The following CKS2 variants were observed in gnomAD, a reference collection of about 807,000 sequenced individuals.
The protein encoded by CKS2 is cyclin-dependent kinases regulatory subunit 2.
In CKS2, 4 loss-of-function variants were observed where a neutral mutation model predicts 14.3. The observed-to-expected ratio is 0.28, with a 90% CI of 0.14 to 0.64. CKS2 has a LOEUF of 0.64. Among genes scored for constraint, CKS2 ranks in the 30% least tolerant of loss-of-function variants. The probability of loss-of-function intolerance (pLI) is 0.83; values close to 1 mark genes in which losing one functional copy is unlikely to be tolerated. For synonymous variants in CKS2, 33 were observed against 28.7 expected (o/e 1.15, Z -0.48); for missense variants, 71 against 94.3 (o/e 0.75, Z 1.02).
chr9:89,313,529 C>T (rs1196756353), intron 1 of CKS2, among the ~76,000 whole-genome samples: 1 of 152,144 alleles, frequency 6.6e-6, no homozygotes, highest in Non-Finnish European at 1.5e-5. Flanking sequence ...CTCTGTGTGG[C>T]AAAATACAGG....
rs1824682476 is a variant in CKS2, at chr9:89,315,057, G to C, written c.60-113G>C. ...CATAGGCCATCATATCAGAATTAAA[G>C]GTAGTAGATTGCAGTTCTCAATATT... On this transcript the variant is annotated intron_variant, in intron 1 of 2. Transcript: ENST00000314355. 1.4e-5 allele frequency: 11 copies of C among 809,126 alleles called. No individual in the cohort carries two copies. The Admixed American group carries it at 1.9e-4, about 14-fold the overall frequency. 50.1% of individuals were successfully genotyped at this position (809,126 alleles called of 1,614,324 possible).
In CKS2 at chr9:89,311,218, C is replaced by T. The variant is rs564186726; in HGVS notation, c.-75C>T. 2.6e-4 allele frequency: 331 copies of T among 1,274,908 alleles called. No individual in the cohort carries two copies. Among genetic ancestry groups the T allele is most frequent in the African/African-American group, 2.3e-3 (158 of 67,420 alleles). The allele number at this position is 1,274,908 out of a possible 1,614,324, so 79.0% of individuals were successfully genotyped here. Reference sequence around the variant, plus strand: ...TCGTTAGTCTCCGGCGAGTTGTTGCCTGGGCTGGACGTGGTTTTGTCTGCT... The same window carrying T: ...TCGTTAGTCTCCGGCGAGTTGTTGCTTGGGCTGGACGTGGTTTTGTCTGCT... On this transcript the variant is annotated 5_prime_UTR_variant, in exon 1 of 3. Coordinates refer to ENST00000314355, the MANE Select transcript of CKS2 (RefSeq NM_001827.3).
chr9:89,313,083 T>C (rs965731657), intron 1 of CKS2, among the ~76,000 whole-genome samples: 4 of 152,238 alleles, frequency 2.6e-5, no homozygotes, highest in African/African-American at 2.4e-5. Context: ...TGGTATTAAT[T>C]GGCCAAGCCA....
At chr9:89,312,322 G>A (rs1260874420) in intron 1 of CKS2, 1 of 154,650 alleles carries the variant, frequency 6.5e-6, no homozygotes, top group African/African-American at 2.4e-5. Context: ...TACTGTATGC[G>A]GGACACTTCA....
At chr9:89,311,378 C>T in intron 1 of CKS2, 27 bp downstream of exon 1, 5 of 1,586,446 alleles carry the variant, frequency 3.2e-6, no homozygotes, top group East Asian at 2.4e-5. Flanking sequence ...GACCCCGAGC[C>T]GGCTCCCTCA....
chr9:89,314,377 G>A (rs1824671419), intron 1 of CKS2, among the ~76,000 whole-genome samples: 1 of 152,158 alleles, frequency 6.6e-6, no homozygotes, highest in Admixed American at 6.5e-5. Context: ...AACTTTGAAG[G>A]TTATTCCATG....
At chr9:89,314,059 G>C (rs1357292379) in intron 1 of CKS2, among the ~76,000 whole-genome samples, 1 of 152,208 alleles carries the variant, frequency 6.6e-6, no homozygotes, top group Non-Finnish European at 1.5e-5. Context: ...AAAGTGACCA[G>C]ATTGCACCTC....
At position 89,316,460 on chromosome 9, in the gene CKS2, T is replaced by G. The variant is rs1235521027; in HGVS notation, c.*35T>G. 3.1e-6 allele frequency: 4 copies of G among 1,288,862 alleles called. No individual in the cohort carries two copies. Among genetic ancestry groups the G allele is most frequent in the Non-Finnish European group, 4.5e-6 (4 of 896,940 alleles). The allele number at this position is 1,288,862 out of a possible 1,614,324, so 79.8% of individuals were successfully genotyped here. A position where few individuals can be genotyped will look rare whatever the true frequency, so the allele number is the denominator to read the frequency against. ...GGGGATCGTCAAATCTTTTTCAAAT[T>G]TAATGTATATGTGTATATAAGGTAG... On this transcript the variant is annotated 3_prime_UTR_variant, in exon 3 of 3. Transcript: ENST00000314355.
intron 2 of CKS2, 38 bp from the exon 3 acceptor site, chr9:89,316,335 A>G (rs765765281): frequency 7.6e-7 from 1 of 1,321,478 alleles, no homozygotes; most frequent in Non-Finnish European, 1.1e-6. Flanking sequence ...GTATATGAAA[A>G]TCATATTAAA....
intron 1 of CKS2, among the ~76,000 whole-genome samples, chr9:89,313,387 T>C (rs1398914016): frequency 6.6e-6 from 1 of 152,176 alleles, no homozygotes; most frequent in Non-Finnish European, 1.5e-5. Flanking sequence ...GAAGTCTGTT[T>C]TCACAAGAGA....
At chr9:89,314,362 G>T (rs1824670996) in intron 1 of CKS2, among the ~76,000 whole-genome samples, 1 of 152,118 alleles carries the variant, frequency 6.6e-6, no homozygotes, top group African/African-American at 2.4e-5. Flanking sequence ...ACATATTGAT[G>T]GTTTAACTTT....
At chr9:89,312,754 T>A (rs1216261235) in intron 1 of CKS2, among the ~76,000 whole-genome samples, 3 of 152,180 alleles carry the variant, frequency 2.0e-5, no homozygotes. Flanking sequence ...AGTGTTCAAT[T>A]ATGCGATGTT....
intron 1 of CKS2, 151 bp downstream of exon 1, chr9:89,311,502 G>T: frequency 1.9e-6 from 1 of 527,074 alleles, no homozygotes; most frequent in South Asian, 3.3e-5. Flanking sequence ...TGGGGTCGCG[G>T]CCACCTGGCG....
At chr9:89,314,989 C>T (rs1321239239) in intron 1 of CKS2, among the ~76,000 whole-genome samples, 181 bp from the exon 2 acceptor site, 1 of 152,178 alleles carries the variant, frequency 6.6e-6, no homozygotes, top group Non-Finnish European at 1.5e-5. Flanking sequence ...ATGGAAAATG[C>T]TTTCTGCTTT....
intron 2 of CKS2, among the ~76,000 whole-genome samples, chr9:89,315,515 G>A (rs1319198735): frequency 1.3e-4 from 17 of 128,418 alleles, no homozygotes; most frequent in African/African-American, 4.9e-4. Context: ...TATTCTACTT[G>A]GAAAATAATG....
chr9:89,311,586 GGTGAGGGAAGA>G (rs1824610253), intron 1 of CKS2, among the ~76,000 whole-genome samples: 1 of 152,214 alleles, frequency 6.6e-6, no homozygotes, highest in South Asian at 2.1e-4. Flanking sequence ...GTGCGCGGAG[GGTGAGGGAAGA>G]GTGCCCACCG....
chr9:89,311,456 G>C, intron 1 of CKS2, 105 bp downstream of exon 1: 1 of 780,726 alleles, frequency 1.3e-6, no homozygotes, highest in South Asian at 2.1e-5. Context: ...GGGCCTGGGG[G>C]GCGGAGCCCG....
chr9:89,315,085 A>T, intron 1 of CKS2, 85 bp from the exon 2 acceptor site: 2 of 1,216,620 alleles, frequency 1.6e-6, no homozygotes, highest in Non-Finnish European at 2.2e-6. Flanking sequence ...TCAATATTAA[A>T]GCAACAGAGT....
chr9:89,315,332 G>A, intron 2 of CKS2, 35 bp downstream of exon 2: 2 of 1,473,800 alleles, frequency 1.4e-6, no homozygotes, highest in East Asian at 2.5e-5. Context: ...AGCAGTAATT[G>A]TTGAAATATT....
Sources: gnomAD v4.1 joint callset for allele counts (sites outside exome capture counted in the v4.1 genomes callset) on GRCh38, gnomAD v4.1.1 for gene constraint, MANE v1.5 for transcripts, NCBI Gene and HGNC (gene_info 2026-07-23, HGNC 2026-07-21) for gene names.